The following TBC1D5 variants were observed in gnomAD, a reference collection of about 807,000 sequenced individuals.
TBC1D5 encodes the protein TBC1 domain family, member 5.
In TBC1D5, 75 loss-of-function variants were observed where a neutral mutation model predicts 100.3. The observed-to-expected ratio is 0.75, with a 90% CI of 0.62 to 0.91. TBC1D5 has a LOEUF of 0.91. Among genes scored for constraint, TBC1D5 ranks in the 40% least tolerant of loss-of-function variants. TBC1D5 has a pLI of 0.00. For synonymous variants in TBC1D5, 323 were observed against 325.6 expected, an observed-to-expected ratio of 0.99 and a Z score of 0.09; for missense variants, 910 against 942.4, an observed-to-expected ratio of 0.97 and a Z score of 0.45.
chr3:17,549,070 G>A (rs1386892691), intron 2 of TBC1D5, among the ~76,000 whole-genome samples: 1 of 151,578 alleles, frequency 6.6e-6, no homozygotes, highest in Non-Finnish European at 1.5e-5. Context: ...GGCGGAGGCA[G>A]GTGGATCACC....
chr3:17,588,141 G>A (rs1404047737), intron 2 of TBC1D5, among the ~76,000 whole-genome samples: 1 of 151,486 alleles, frequency 6.6e-6, no homozygotes, highest in Non-Finnish European at 1.5e-5. Flanking sequence ...TTTAATTTTA[G>A]GCCAATTTTC....
chr3:17,722,443 A>T (rs1043867319), intron 1 of TBC1D5, among the ~76,000 whole-genome samples: 2 of 152,222 alleles, frequency 1.3e-5, no homozygotes, highest in Admixed American at 1.3e-4. Context: ...TTTTGTGCAT[A>T]AAACAAAGTT....
intron 15 of TBC1D5, among the ~76,000 whole-genome samples, chr3:17,280,041 C>A (rs2080411587): frequency 6.6e-6 from 1 of 152,170 alleles, no homozygotes; most frequent in Non-Finnish European, 1.5e-5. Context: ...TTCATCCCAT[C>A]CATTCACTCA....
Position 17,187,095 on chromosome 3 carries a change from G to T in TBC1D5, c.1753-1887C>A, listed in dbSNP as rs188178688. ...ATCACAGGAAACTGTAGGAATTAGA[G>T]AAAGAAGGCTACATCTGCTGCTTAA... On this transcript the variant is annotated intron_variant, in intron 18 of 21. Coordinates refer to ENST00000253692, the Ensembl canonical transcript of TBC1D5. 7.6e-4 allele frequency among the ~76,000 whole-genome samples: 116 copies of T among 152,268 alleles called. 2 individuals are homozygous for T. The East Asian group carries it at 0.012, about 15-fold the overall frequency.
At chr3:17,307,323 A>T (rs2083496706) in intron 14 of TBC1D5, among the ~76,000 whole-genome samples, 1 of 152,210 alleles carries the variant, frequency 6.6e-6, no homozygotes, top group African/African-American at 2.4e-5. Context: ...ACTTTTGATT[A>T]CTTCTCTGAG....
intron 13 of TBC1D5, among the ~76,000 whole-genome samples, chr3:17,324,385 G>A (rs924999679): frequency 3.5e-4 from 53 of 152,328 alleles, no homozygotes; most frequent in African/African-American, 1.3e-3. Flanking sequence ...GCTCACACCT[G>A]TATCCTAGCA....
At chr3:17,546,261 C>G (rs572465905) in intron 2 of TBC1D5, among the ~76,000 whole-genome samples, 44 of 152,270 alleles carry the variant, frequency 2.9e-4, no homozygotes, top group African/African-American at 1.0e-3. Context: ...GAAATCCTAT[C>G]TAAGATTCCA....
chr3:17,309,423 G>A (rs115561429), intron 13 of TBC1D5, among the ~76,000 whole-genome samples: 2,746 of 151,852 alleles, frequency 0.018, 84 homozygotes, highest in African/African-American at 0.062. Context: ...CCGAAGTATT[G>A]TTTATCTTCT....
At chr3:17,685,479 A>G (rs548742138) in intron 1 of TBC1D5, among the ~76,000 whole-genome samples, 2 of 152,082 alleles carry the variant, frequency 1.3e-5, no homozygotes, top group Non-Finnish European at 2.9e-5. Flanking sequence ...AACCTAAATA[A>G]TAAGTCACCC....
intron 15 of TBC1D5, among the ~76,000 whole-genome samples, chr3:17,269,073 T>C (rs1285234157): frequency 6.6e-6 from 1 of 152,160 alleles, no homozygotes; most frequent in Middle Eastern, 3.2e-3. Flanking sequence ...TGAATTTCTT[T>C]AGCTACTTAC....
chr3:17,341,643 C>A (rs1184984640), intron 13 of TBC1D5, among the ~76,000 whole-genome samples: 1 of 152,130 alleles, frequency 6.6e-6, no homozygotes, highest in Non-Finnish European at 1.5e-5. Context: ...TTCTTAATCA[C>A]CGTTCTATAT....
At chr3:17,358,066 A>G (rs2091375450) in intron 13 of TBC1D5, among the ~76,000 whole-genome samples, 1 of 152,076 alleles carries the variant, frequency 6.6e-6, no homozygotes. Flanking sequence ...GGGGAAATTT[A>G]TCATCTTCAT....
intron 2 of TBC1D5, among the ~76,000 whole-genome samples, chr3:17,563,885 C>A (rs1418975794): frequency 6.6e-6 from 1 of 152,214 alleles, no homozygotes; most frequent in African/African-American, 2.4e-5. Context: ...TGGCTTCACG[C>A]CATTCTCCTG....
intron 17 of TBC1D5, among the ~76,000 whole-genome samples, chr3:17,231,759 G>A (rs1325373653): frequency 6.6e-6 from 1 of 152,122 alleles, no homozygotes; most frequent in Non-Finnish European, 1.5e-5. Context: ...TCAGGTAGGT[G>A]TACTCTCATT....
At chr3:17,481,552 T>C (rs754722341) in intron 3 of TBC1D5, among the ~76,000 whole-genome samples, 1 of 152,180 alleles carries the variant, frequency 6.6e-6, no homozygotes, top group Admixed American at 6.5e-5. Flanking sequence ...GAGACCTGTA[T>C]AGCTTATCTT....
At chr3:17,394,591 A>G (rs1459551221) in intron 8 of TBC1D5, among the ~76,000 whole-genome samples, 1 of 152,150 alleles carries the variant, frequency 6.6e-6, no homozygotes, top group East Asian at 1.9e-4. Context: ...AAAAACAGAC[A>G]TCTTACAGAT....
chr3:17,562,463 T>C (rs370155486), intron 2 of TBC1D5, among the ~76,000 whole-genome samples: 7 of 150,684 alleles, frequency 4.6e-5, no homozygotes, highest in African/African-American at 1.7e-4. Flanking sequence ...TTCAAGATAA[T>C]GAAATTAAAA....
intron 1 of TBC1D5, among the ~76,000 whole-genome samples, chr3:17,699,300 A>G (rs2072733036): frequency 7.1e-6 from 1 of 140,710 alleles, no homozygotes; most frequent in Non-Finnish European, 1.5e-5. Flanking sequence ...AGAACAAAAA[A>G]CCAAACACCA....
chr3:17,303,087 C>G (rs1369011583), intron 14 of TBC1D5, among the ~76,000 whole-genome samples: 4 of 152,170 alleles, frequency 2.6e-5, no homozygotes, highest in Non-Finnish European at 5.9e-5. Context: ...TCTGTCCAAT[C>G]TGGTTCTCTA....
Sources: gnomAD v4.1 joint callset for allele counts (sites outside exome capture counted in the v4.1 genomes callset) on GRCh38, gnomAD v4.1.1 for gene constraint, MANE v1.5 for transcripts, NCBI Gene and HGNC (gene_info 2026-07-23, HGNC 2026-07-21) for gene names.